ZNF264: variants seen among roughly 807,000 people sequenced by gnomAD.
The protein encoded by ZNF264 is zinc finger protein 264.
Under a neutral mutation model 11.2 loss-of-function variants are expected in ZNF264, and 11 were observed. The ratio of observed to expected loss-of-function variants is 0.98; its 90% CI spans 0.62 to 1.63. The LOEUF (loss-of-function observed/expected upper bound fraction) is 1.63, where lower values mean the gene tolerates loss of function less well. Among genes scored for constraint, ZNF264 ranks in the 40% most tolerant of loss-of-function variants. The probability of loss-of-function intolerance (pLI) is 0.00; values close to 1 mark genes in which losing one functional copy is unlikely to be tolerated. For missense variants in ZNF264, 752 were observed against 768.1 expected (o/e 0.98, Z 0.25); for synonymous variants, 309 against 279.8 (o/e 1.10, Z -1.04).
chr19:57,194,052 A>G (rs560242831), intron 2 of ZNF264, 51 bp downstream of exon 2: 1 of 1,556,242 alleles, frequency 6.4e-7, no homozygotes, highest in Admixed American at 1.9e-5. Flanking sequence ...CACTTCCTTC[A>G]TTCCATCTTC....
Position 57,216,004 on chromosome 19 carries a change from G to A in ZNF264, c.*3023G>A, listed in dbSNP as rs758216527. The A allele has an allele frequency of 1.3e-5, 2 of 152,220 alleles. No individual in the cohort carries two copies. Among genetic ancestry groups the A allele is most frequent in the African/African-American group, 4.8e-5 (2 of 41,426 alleles). 9.4% of individuals were successfully genotyped at this position (152,220 alleles called of 1,614,324 possible). Reference sequence around the variant, plus strand: ...GCTCATTGTTATTCAAGTCAGCTATGTCCTTGCTGATTTTCTGTCCAGCAT... The same window carrying A: ...GCTCATTGTTATTCAAGTCAGCTATATCCTTGCTGATTTTCTGTCCAGCAT... On this transcript the variant is annotated 3_prime_UTR_variant, in exon 4 of 4. Transcript: ENST00000263095.
At chr19:57,200,334 G>T (rs1455417217) in intron 2 of ZNF264, among the ~76,000 whole-genome samples, 1 of 150,864 alleles carries the variant, frequency 6.6e-6, no homozygotes, top group Non-Finnish European at 1.5e-5. Flanking sequence ...AACCTTTTTT[G>T]CCATCCCCCA....
Position 57,219,928 on chromosome 19 carries a change from A to G in ZNF264, c.*6947A>G, listed in dbSNP as rs1199958922. ...CCGTGGGGATGCACCCATAATTATA[A>G]TGAGAGCAGGTGAATGTCATGTGGC... On this transcript the variant is annotated 3_prime_UTR_variant, in exon 4 of 4. Transcript: ENST00000263095. 1 of 152,286 alleles carries G rather than the reference A, an allele frequency of 6.6e-6. No homozygotes were observed. Among genetic ancestry groups the G allele is most frequent in the East Asian group, 1.9e-4 (1 of 5,204 alleles). 9.4% of individuals were successfully genotyped at this position (152,286 alleles called of 1,614,324 possible).
Position 57,191,756 on chromosome 19 carries a change from C to A in ZNF264, c.-158C>A. 1 of 477,738 alleles carries A rather than the reference C, an allele frequency of 2.1e-6. No individual in the cohort carries two copies. The highest frequency in any genetic ancestry group is 3.4e-6 in the Non-Finnish European group (1 of 297,450). 29.6% of individuals were successfully genotyped at this position (477,738 alleles called of 1,614,324 possible). On this transcript the variant is annotated 5_prime_UTR_variant, in exon 1 of 4. Transcript: ENST00000263095. The stretch of plus-strand genomic sequence containing the variant: ...TGGAACGCGGTTGCCACCGAGGAGG[C>A]GGCGGCCCTGCGTCTGGAACGCCGT...
At position 57,191,785 on chromosome 19, in the gene ZNF264, C is replaced by T. The variant is rs1395961008; in HGVS notation, c.-129C>T. On this transcript the variant is annotated 5_prime_UTR_variant, in exon 1 of 4. Coordinates refer to ENST00000263095, the MANE Select transcript of ZNF264 (RefSeq NM_003417.5). ...GGCCCTGCGTCTGGAACGCCGTTGC[C>T]ACCGAGGAGGCGGCGGCCCCGAGCG... The T allele has an allele frequency of 3.0e-6, 2 of 656,480 alleles. No individual in the cohort carries two copies. The highest frequency in any genetic ancestry group is 2.2e-6 in the Non-Finnish European group (1 of 461,364). 40.7% of individuals were successfully genotyped at this position (656,480 alleles called of 1,614,324 possible).
chr19:57,210,962 A>T (rs1297151695), intron 3 of ZNF264, among the ~76,000 whole-genome samples: 1 of 152,162 alleles, frequency 6.6e-6, no homozygotes, highest in Non-Finnish European at 1.5e-5. Context: ...TTTGTTACTC[A>T]CTTCCTGTCT....
intron 2 of ZNF264, among the ~76,000 whole-genome samples, chr19:57,195,612 A>G (rs548813054): frequency 6.6e-6 from 1 of 152,012 alleles, no homozygotes; most frequent in African/African-American, 2.4e-5. Flanking sequence ...ATCACAGGGC[A>G]TGGTAATACT....
intron 1 of ZNF264, among the ~76,000 whole-genome samples, chr19:57,193,141 G>GT (rs2087187467): frequency 6.6e-6 from 1 of 152,296 alleles, no homozygotes; most frequent in East Asian, 1.9e-4. Flanking sequence ...GAGTGTTGGA[G>GT]TTACACTGTT....
rs2087337406 is a variant in ZNF264, at chr19:57,211,684, T to A, written c.587T>A (p.Ile196Asn). 6.2e-7 allele frequency: 1 copy of A among 1,613,994 alleles called. No individual in the cohort carries two copies. Among genetic ancestry groups the A allele is most frequent in the African/African-American group, 1.3e-5 (1 of 74,910 alleles). The change falls in exon 4 of 4, where the codon ATT (isoleucine) becomes AAT (asparagine). Residue 196 changes from isoleucine (I) to asparagine (N), a missense_variant. Ile to Asn is a moderately radical substitution (Grantham distance 149). Coordinates refer to ENST00000263095, the MANE Select transcript of ZNF264 (RefSeq NM_003417.5). ...TGTGAGTCAGGTAAAGATCCCATGA[T>A]TCAGGAAGAGGAAAATAACTTTAAA... ...NSCESGKDPM[I>N]QEEENNFKCS...
At chr19:57,193,782 G>A (rs1007785041) in intron 1 of ZNF264, 93 bp from the exon 2 acceptor site, 17 of 1,529,650 alleles carry the variant, frequency 1.1e-5, no homozygotes, top group Middle Eastern at 1.9e-4. Context: ...GATTCAGGCC[G>A]CCATCACTGT....
intron 1 of ZNF264, chr19:57,193,625 A>T (rs924750484): frequency 1.2e-6 from 1 of 848,458 alleles, no homozygotes; most frequent in Non-Finnish European, 1.4e-6. Context: ...TGTATTTCAC[A>T]GTCCACAAGT....
In ZNF264 at chr19:57,221,391, G is replaced by C. The variant is rs192638098; in HGVS notation, c.*8410G>C. On this transcript the variant is annotated 3_prime_UTR_variant, in exon 4 of 4. Coordinates refer to ENST00000263095, the MANE Select transcript of ZNF264 (RefSeq NM_003417.5). ...ACAGATGTACATGATTTTAGAAATTGTTATGAATGACTGTCTTGGGATCCT... is the reference window on the plus strand; with the variant it reads ...ACAGATGTACATGATTTTAGAAATTCTTATGAATGACTGTCTTGGGATCCT... 111 of 152,272 alleles carry C rather than the reference G, an allele frequency of 7.3e-4. No individual in the cohort carries two copies. Among genetic ancestry groups the C allele is most frequent in the African/African-American group, 2.6e-3 (109 of 41,544 alleles). 9.4% of individuals were successfully genotyped at this position (152,272 alleles called of 1,614,324 possible). A position where few individuals can be genotyped will look rare whatever the true frequency, so the allele number is the denominator to read the frequency against.
In ZNF264 at chr19:57,216,413, C is replaced by T. The variant is rs2087380713; in HGVS notation, c.*3432C>T. The T allele has an allele frequency of 6.6e-6, 1 of 152,162 alleles. No homozygotes were observed. Among genetic ancestry groups the T allele is most frequent in the African/African-American group, 2.4e-5 (1 of 41,452 alleles). 9.4% of individuals were successfully genotyped at this position (152,162 alleles called of 1,614,324 possible). ...AGTGTGTTGCTCTTTCAAGTTCTAT[C>T]ACTTTTTGTTTGCAAAGTTCAAAGC... is the stretch of plus-strand genomic sequence containing the variant. On this transcript the variant is annotated 3_prime_UTR_variant, in exon 4 of 4. Coordinates refer to ENST00000263095, the MANE Select transcript of ZNF264 (RefSeq NM_003417.5).
At position 57,193,860 on chromosome 19, in the gene ZNF264, T is replaced by C. The variant is rs754374064; in HGVS notation, c.34-15T>C. The C allele has an allele frequency of 3.1e-6, 5 of 1,613,894 alleles. No individual in the cohort carries two copies. Among genetic ancestry groups the C allele is most frequent in the Non-Finnish European group, 4.2e-6 (5 of 1,179,854 alleles). On this transcript the variant is annotated splice_polypyrimidine_tract_variant and intron_variant, in intron 1 of 3. Transcript: ENST00000263095. ...GCTGAAAGGCCAATACTACTAATTC[T>C]GTTTGACTTTCCAGGTGTCTGTGAC...
At chr19:57,193,430 T>G in intron 1 of ZNF264, 1 of 888,418 alleles carries the variant, frequency 1.1e-6, no homozygotes, top group Non-Finnish European at 1.3e-6. Flanking sequence ...GTAAGAGCTG[T>G]CAAGTGTCAG....
At chr19:57,196,923 G>T (rs896637791) in intron 2 of ZNF264, among the ~76,000 whole-genome samples, 18 of 151,976 alleles carry the variant, frequency 1.2e-4, no homozygotes, top group African/African-American at 4.1e-4. Flanking sequence ...CATGGAAAGT[G>T]CACAGCGAGG....
chr19:57,208,974 A>G (rs1486722545), intron 3 of ZNF264, among the ~76,000 whole-genome samples: 1 of 152,204 alleles, frequency 6.6e-6, no homozygotes, highest in Non-Finnish European at 1.5e-5. Flanking sequence ...TTCTGTGAAA[A>G]TAGAAATCAT....
intron 2 of ZNF264, among the ~76,000 whole-genome samples, chr19:57,198,911 G>T (rs1164848038): frequency 2.0e-5 from 3 of 151,856 alleles, no homozygotes; most frequent in Non-Finnish European, 2.9e-5. Flanking sequence ...CTGTAAACTA[G>T]CCCAAGTCTG....
intron 3 of ZNF264, among the ~76,000 whole-genome samples, chr19:57,207,570 GTC>G (rs944933000): frequency 8.6e-6 from 1 of 116,264 alleles, no homozygotes. Flanking sequence ...TTTTTTTAGA[GTC>G]TCTCTGTGTA....
Sources: allele counts gnomAD v4.1 joint callset (sites outside exome capture counted in the v4.1 genomes callset), GRCh38; gene constraint gnomAD v4.1.1; transcripts MANE v1.5; gene names NCBI Gene and HGNC (gene_info 2026-07-23, HGNC 2026-07-21).